OPRD1: variants seen among roughly 807,000 people sequenced by gnomAD.
The protein encoded by OPRD1 is opioid receptor delta 1.
OPRD1 carries 19 observed loss-of-function variants against 17.5 expected under a neutral mutation model. The ratio of observed to expected loss-of-function variants is 1.09; its 90% CI spans 0.76 to 1.60. The LOEUF is 1.60. Ranked by LOEUF, OPRD1 falls within the 40% of genes most tolerant of loss-of-function variation. The probability of loss-of-function intolerance (pLI) is 0.00; values close to 1 mark genes in which losing one functional copy is unlikely to be tolerated. For synonymous variants in OPRD1, 256 were observed against 240.9 expected (o/e 1.06, Z -0.58); for missense variants, 483 against 547.2 (o/e 0.88, Z 1.17).
At chr1:28,834,948 G>A (rs965313351) in intron 1 of OPRD1, among the ~76,000 whole-genome samples, 4 of 152,044 alleles carry the variant, frequency 2.6e-5, no homozygotes, top group African/African-American at 7.2e-5. Flanking sequence ...TGTGTCCCCC[G>A]CCATTGGAAT....
chr1:28,863,219 C>T lies in OPRD1; in HGVS notation c.1055C>T (p.Thr352Met), dbSNP rs1403111738. The T allele has an allele frequency of 1.9e-6, 3 of 1,575,322 alleles. No homozygotes were observed. The South Asian group carries it at 3.4e-5, about 18-fold the overall frequency. ...PSSFSRAREA[T>M]ARERVTACTP... ...AGCTTCAGCCGCGCCCGCGAAGCCACGGCCCGCGAGCGTGTCACCGCCTGC... is the reference window on the plus strand; with the variant it reads ...AGCTTCAGCCGCGCCCGCGAAGCCATGGCCCGCGAGCGTGTCACCGCCTGC... Residue 352 changes from threonine (T) to methionine (M), a missense_variant, in exon 3 of 3, where the codon ACG becomes ATG. Physicochemically the swap from Thr to Met is moderately conservative, Grantham distance 81. Transcript: ENST00000234961.
intron 1 of OPRD1, among the ~76,000 whole-genome samples, chr1:28,846,895 CTCTT>C (rs1302039793): frequency 3.5e-4 from 12 of 33,980 alleles, no homozygotes; most frequent in Non-Finnish European, 7.6e-4. Context: ...TCTTTCTTTT[CTCTT>C]TCTTTCTTTT....
intron 1 of OPRD1, among the ~76,000 whole-genome samples, chr1:28,840,926 A>C (rs2088890434): frequency 6.6e-6 from 1 of 152,238 alleles, no homozygotes; most frequent in African/African-American, 2.4e-5. Context: ...GTCTCAAAAA[A>C]ATAAAAAATA....
chr1:28,820,992 A>G (rs2088708776), intron 1 of OPRD1, among the ~76,000 whole-genome samples: 1 of 152,116 alleles, frequency 6.6e-6, no homozygotes, highest in African/African-American at 2.4e-5. Flanking sequence ...TTAAGCAGAG[A>G]CAGACATTAT....
chr1:28,861,452 G>T (rs2147751568), intron 2 of OPRD1, among the ~76,000 whole-genome samples: 1 of 152,128 alleles, frequency 6.6e-6, no homozygotes, highest in South Asian at 2.1e-4. Context: ...TTTTGTTTTT[G>T]TTGTTGTTTT....
Position 28,863,708 on chromosome 1 carries a change from A to C in OPRD1, c.*425A>C, listed in dbSNP as rs1424108802. ...GGGGGTCCGGGCCCAGGACCCAGAAAGGGCAGTGGTGGGGACAGTTGCTTG... is the reference window on the plus strand; with the variant it reads ...GGGGGTCCGGGCCCAGGACCCAGAACGGGCAGTGGTGGGGACAGTTGCTTG... On this transcript the variant is annotated 3_prime_UTR_variant, in exon 3 of 3. Coordinates refer to ENST00000234961, the MANE Select transcript of OPRD1 (RefSeq NM_000911.4). 1 of 170,482 alleles carries C rather than the reference A, an allele frequency of 5.9e-6. No individual in the cohort carries two copies. Among genetic ancestry groups the C allele is most frequent in the African/African-American group, 2.4e-5 (1 of 42,172 alleles). 10.6% of individuals were successfully genotyped at this position (170,482 alleles called of 1,614,324 possible). A position where few individuals can be genotyped will look rare whatever the true frequency, so the allele number is the denominator to read the frequency against.
At chr1:28,851,664 G>A (rs1332502815) in intron 1 of OPRD1, among the ~76,000 whole-genome samples, 1 of 152,044 alleles carries the variant, frequency 6.6e-6, no homozygotes, top group African/African-American at 2.4e-5. Context: ...CTGAGGTTGG[G>A]AGTTCGAGAC....
rs185551550 is a variant in OPRD1, at chr1:28,832,397, C to T, written c.227+19787C>T. Among the ~76,000 whole-genome samples the T allele has an allele frequency of 3.3e-5, 5 of 152,094 alleles. No homozygotes were observed. In the East Asian group the frequency reaches 9.7e-4, roughly 29 times the overall value. ...CTTTGGGAGGCCGAGGTGGGAGAATCGCTCGAGCCCAGGAGTTCAAGACCA... is the reference window on the plus strand; with the variant it reads ...CTTTGGGAGGCCGAGGTGGGAGAATTGCTCGAGCCCAGGAGTTCAAGACCA... On this transcript the variant is annotated intron_variant, in intron 1 of 2. Transcript: ENST00000234961.
chr1:28,817,872 T>G (rs992232574), intron 1 of OPRD1, among the ~76,000 whole-genome samples: 6 of 145,862 alleles, frequency 4.1e-5, no homozygotes, highest in South Asian at 2.4e-4. Flanking sequence ...GCCCAACTAG[T>G]TTTTGTGTTT....
At chr1:28,828,961 C>T (rs1327849057) in intron 1 of OPRD1, among the ~76,000 whole-genome samples, 3 of 147,188 alleles carry the variant, frequency 2.0e-5, no homozygotes, top group African/African-American at 5.0e-5. Context: ...CTGCACTCCA[C>T]CCTGGGTAAC....
chr1:28,824,668 G>T (rs535416578), intron 1 of OPRD1, among the ~76,000 whole-genome samples: 1 of 151,912 alleles, frequency 6.6e-6, no homozygotes, highest in Admixed American at 6.6e-5. Context: ...CCTGCCTAGA[G>T]ATGTATATAT....
chr1:28,828,939 G>T (rs1172892717), intron 1 of OPRD1, among the ~76,000 whole-genome samples: 1 of 150,808 alleles, frequency 6.6e-6, no homozygotes, highest in Non-Finnish European at 1.5e-5. Context: ...GCAGTGAGCC[G>T]AGATTGCGCC....
intron 1 of OPRD1, among the ~76,000 whole-genome samples, chr1:28,831,020 A>G (rs1011460020): frequency 1.3e-5 from 2 of 152,238 alleles, no homozygotes; most frequent in Non-Finnish European, 2.9e-5. Flanking sequence ...TGTCCCCACC[A>G]GATGCCCCTG....
In OPRD1 at chr1:28,869,273, G is replaced by C. The variant is rs549145634; in HGVS notation, c.*5990G>C. The C allele has an allele frequency of 6.6e-6, 1 of 152,660 alleles. No individual in the cohort carries two copies. The highest frequency in any genetic ancestry group is 1.9e-4 in the East Asian group (1 of 5,192). 9.5% of individuals were successfully genotyped at this position (152,660 alleles called of 1,614,324 possible). A position where few individuals can be genotyped will look rare whatever the true frequency, so the allele number is the denominator to read the frequency against. On this transcript the variant is annotated 3_prime_UTR_variant, in exon 3 of 3. Coordinates refer to ENST00000234961, the MANE Select transcript of OPRD1 (RefSeq NM_000911.4). ...AGATATTGAGAGTTGGGTGACAGAT[G>C]GCTGTGTGGTTCAGGCTGCAGGCAG...
intron 1 of OPRD1, among the ~76,000 whole-genome samples, chr1:28,855,432 A>C (rs1012837751): frequency 1.7e-4 from 26 of 152,028 alleles, no homozygotes; most frequent in Admixed American, 2.6e-4. Flanking sequence ...CAGCTTGCAG[A>C]ACAGAGAGAA....
intron 1 of OPRD1, among the ~76,000 whole-genome samples, chr1:28,839,899 G>A (rs935387722): frequency 2.0e-5 from 3 of 152,190 alleles, no homozygotes; most frequent in South Asian, 2.1e-4. Flanking sequence ...GAAGAAGGAC[G>A]AAAGGAGACA....
chr1:28,859,335 A>G (rs1260805386), intron 2 of OPRD1, 32 bp downstream of exon 2: 22 of 1,576,092 alleles, frequency 1.4e-5, no homozygotes, highest in Non-Finnish European at 1.7e-5. Flanking sequence ...GGCACAGGCC[A>G]CTGACCACAG....
intron 1 of OPRD1, among the ~76,000 whole-genome samples, chr1:28,842,770 C>T (rs2088905534): frequency 6.6e-6 from 1 of 151,978 alleles, no homozygotes. Context: ...TGATTAAACC[C>T]TAAAATAAAA....
chr1:28,853,117 G>A (rs2089022719), intron 1 of OPRD1, among the ~76,000 whole-genome samples: 1 of 152,212 alleles, frequency 6.6e-6, no homozygotes, highest in South Asian at 2.1e-4. Flanking sequence ...CTCATCTACT[G>A]TAATAGGGCA....
Sources: allele counts gnomAD v4.1 joint callset (sites outside exome capture counted in the v4.1 genomes callset), GRCh38; gene constraint gnomAD v4.1.1; transcripts MANE v1.5; gene names NCBI Gene and HGNC (gene_info 2026-07-23, HGNC 2026-07-21).